Variants in WDR64 observed in about 807,000 individuals in gnomAD.
WDR64 encodes WD repeat domain 64, also known as WD repeat-containing protein 64.
Under a neutral mutation model 139.3 loss-of-function variants are expected in WDR64, and 112 were observed. That is an observed-to-expected ratio of 0.80 (90% CI 0.69 to 0.94). The LOEUF (loss-of-function observed/expected upper bound fraction) is 0.94. Ranked by LOEUF, WDR64 falls within the 40% of genes least tolerant of loss-of-function variation. The pLI is 0.00. For missense variants in WDR64, 1,206 were observed against 1,293.1 expected (o/e 0.93, Z 1.03); for synonymous variants, 444 against 437.7 (o/e 1.01, Z -0.18).
At chr1:241,708,504 G>A (rs1404225550) in intron 8 of WDR64, among the ~76,000 whole-genome samples, 1 of 152,038 alleles carries the variant, frequency 6.6e-6, no homozygotes. Flanking sequence ...ACTAGAGACA[G>A]GGTTTCACCA....
chr1:241,705,350 G>C (rs1394003438), intron 8 of WDR64, among the ~76,000 whole-genome samples: 1 of 151,824 alleles, frequency 6.6e-6, no homozygotes, highest in Non-Finnish European at 1.5e-5. Flanking sequence ...GACCATCCCG[G>C]CTAACACGGT....
chr1:241,742,507 C>T (rs13375852), intron 12 of WDR64, among the ~76,000 whole-genome samples: 22,686 of 152,140 alleles, frequency 0.15, 1,890 homozygotes, highest in African/African-American at 0.19. Context: ...ATCCTCACTG[C>T]TACACTCCCA....
At chr1:241,728,101 G>A (rs1668919408) in intron 10 of WDR64, among the ~76,000 whole-genome samples, 2 of 152,106 alleles carry the variant, frequency 1.3e-5, no homozygotes, top group Non-Finnish European at 2.9e-5. Flanking sequence ...GGGAGGCTGA[G>A]GTGGGTGGAT....
chr1:241,739,214 C>T (rs1669442361), intron 11 of WDR64, among the ~76,000 whole-genome samples: 1 of 152,186 alleles, frequency 6.6e-6, no homozygotes, highest in Admixed American at 6.5e-5. Flanking sequence ...ACAAGGGGCC[C>T]TGCTAGACAT....
chr1:241,757,501 G>A (rs1198553780), intron 15 of WDR64, 42 bp downstream of exon 15: 3 of 1,548,884 alleles, frequency 1.9e-6, no homozygotes, highest in East Asian at 2.3e-5. Context: ...TTTGCTTTTT[G>A]TTATGGAAAT....
At position 241,659,485 on chromosome 1, in the gene WDR64, ACT is replaced by A. The variant is rs545818436; in HGVS notation, c.146-1044_146-1043del. On this transcript the variant is annotated intron_variant, in intron 1 of 27. Coordinates refer to ENST00000437684, the MANE Select transcript of WDR64 (RefSeq NM_001367482.1). ...CTCTAGGTCTTTGAGGAATCACCAC[ACT>A]GTCTTCCACAATCGTTGAACTAATT... Among the ~76,000 whole-genome samples, 14 of 152,302 alleles carry A rather than the reference ACT, an allele frequency of 9.2e-5. 1 individual carries two copies. The South Asian group carries it at 2.7e-3, about 29-fold the overall frequency.
intron 24 of WDR64, among the ~76,000 whole-genome samples, chr1:241,789,979 C>T (rs1163097534): frequency 6.6e-6 from 1 of 152,154 alleles, no homozygotes; most frequent in Non-Finnish European, 1.5e-5. Context: ...AAGTCAAGCA[C>T]TGGTCTTGTA....
intron 14 of WDR64, among the ~76,000 whole-genome samples, chr1:241,751,383 G>A (rs528334644): frequency 1.2e-3 from 185 of 152,282 alleles, no homozygotes; most frequent in African/African-American, 4.1e-3. Context: ...GGAAGTTGGA[G>A]CTGAGAGTGG....
intron 23 of WDR64, among the ~76,000 whole-genome samples, chr1:241,784,953 G>GGATAAAAAAAAAAA (rs766802128): frequency 8.0e-5 from 5 of 62,250 alleles, no homozygotes; most frequent in Admixed American, 2.3e-4. Flanking sequence ...GACTCTGTCT[G>GGATAAAAAAAAAAA]AAAAAAAAAA....
chr1:241,720,587 C>T (rs559070341), intron 9 of WDR64, among the ~76,000 whole-genome samples: 24 of 151,878 alleles, frequency 1.6e-4, no homozygotes, highest in Non-Finnish European at 3.4e-4. Context: ...GTTTTTTGGC[C>T]GCATAAATGT....
intron 5 of WDR64, 86 bp downstream of exon 5, chr1:241,678,302 G>A (rs1322543439): frequency 2.3e-5 from 9 of 397,810 alleles, no homozygotes; most frequent in Admixed American, 4.4e-5. Context: ...TCTCAATGAA[G>A]TACTGAATAG....
intron 11 of WDR64, among the ~76,000 whole-genome samples, chr1:241,740,269 T>C (rs1669485506): frequency 3.3e-5 from 5 of 152,206 alleles, no homozygotes. Context: ...TCCATAAGCA[T>C]ATCAAGATTT....
intron 10 of WDR64, among the ~76,000 whole-genome samples, chr1:241,735,782 G>T (rs1353292086): frequency 1.4e-5 from 2 of 144,314 alleles, no homozygotes; most frequent in African/African-American, 5.2e-5. Context: ...TGATCCGCCT[G>T]CCTCGGTGAG....
At chr1:241,668,510 A>T (rs1489021609) in intron 2 of WDR64, among the ~76,000 whole-genome samples, 1 of 152,194 alleles carries the variant, frequency 6.6e-6, no homozygotes, top group Non-Finnish European at 1.5e-5. Flanking sequence ...TGTAGGAGTC[A>T]TATAACTTTC....
At chr1:241,659,224 GCAAAGGACATGATCT>G (rs1665730311) in intron 1 of WDR64, among the ~76,000 whole-genome samples, 2 of 152,222 alleles carry the variant, frequency 1.3e-5, no homozygotes, top group South Asian at 2.1e-4. Flanking sequence ...GCATGTCCCT[GCAAAGGACATGATCT>G]CATTCCTTTT....
chr1:241,710,642 T>C lies in WDR64; in HGVS notation c.975-1160T>C, dbSNP rs966661875. ...CTGGGGTCTGGGAGACAAACATCTTTGGCCTGTGCAAAAGCTCTTGAGGAC... is the reference window on the plus strand; with the variant it reads ...CTGGGGTCTGGGAGACAAACATCTTCGGCCTGTGCAAAAGCTCTTGAGGAC... On this transcript the variant is annotated intron_variant, in intron 8 of 27. Coordinates refer to ENST00000437684, the MANE Select transcript of WDR64 (RefSeq NM_001367482.1). 3.3e-5 allele frequency among the ~76,000 whole-genome samples: 5 copies of C among 152,264 alleles called. 1 individual carries two copies. Among genetic ancestry groups the C allele is most frequent in the African/African-American group, 9.6e-5 (4 of 41,550 alleles).
intron 14 of WDR64, among the ~76,000 whole-genome samples, chr1:241,752,258 T>C (rs956931333): frequency 6.6e-6 from 1 of 152,162 alleles, no homozygotes; most frequent in African/African-American, 2.4e-5. Flanking sequence ...TTTCACCAAT[T>C]AGAGATGAAA....
At chr1:241,758,092 C>T (rs1023524442) in intron 15 of WDR64, among the ~76,000 whole-genome samples, 1 of 151,998 alleles carries the variant, frequency 6.6e-6, no homozygotes, top group Non-Finnish European at 1.5e-5. Context: ...CAATTTATGT[C>T]CTGAAGAAAC....
intron 9 of WDR64, 35 bp from the exon 10 acceptor site, chr1:241,723,262 G>T: frequency 1.2e-6 from 2 of 1,611,916 alleles, no homozygotes; most frequent in Non-Finnish European, 8.5e-7. Context: ...GACCACCTCA[G>T]AAAACCAACA....
Sources: gnomAD v4.1 joint callset for allele counts (sites outside exome capture counted in the v4.1 genomes callset) on GRCh38, gnomAD v4.1.1 for gene constraint, MANE v1.5 for transcripts, NCBI Gene and HGNC (gene_info 2026-07-23, HGNC 2026-07-21) for gene names.